The following SPATA6L variants were observed in gnomAD, a reference collection of about 807,000 sequenced individuals.
The protein encoded by SPATA6L is spermatogenesis associated 6 like, also known as spermatogenesis associated 6-like protein.
Under a neutral mutation model 49.2 loss-of-function variants are expected in SPATA6L, and 68 were observed. The observed-to-expected ratio is 1.38, with a 90% CI of 1.14 to 1.69. The LOEUF is 1.69. Among genes scored for constraint, SPATA6L ranks in the 40% most tolerant of loss-of-function variants. SPATA6L has a pLI of 0.00. For missense variants in SPATA6L, 668 were observed against 464.3 expected, an observed-to-expected ratio of 1.44 and a Z score of -4.03; for synonymous variants, 198 against 165.7, an observed-to-expected ratio of 1.19 and a Z score of -1.50.
At chr9:4,664,956 T>TTG (rs796180512) in intron 1 of SPATA6L, 103 of 167,266 alleles carry the variant, frequency 6.2e-4, no homozygotes, top group African/African-American at 2.4e-3. Context: ...AGCGAGATCC[T>TTG]TTAACTGCAG....
intron 10 of SPATA6L, 58 bp from the exon 11 acceptor site, chr9:4,604,327 T>C (rs1285963923): frequency 2.6e-6 from 3 of 1,142,196 alleles, no homozygotes; most frequent in African/African-American, 3.1e-5. Flanking sequence ...AGATGGATGA[T>C]ACCCAGATGT....
At chr9:4,647,983 T>C (rs1835814293) in intron 3 of SPATA6L, among the ~76,000 whole-genome samples, 1 of 152,002 alleles carries the variant, frequency 6.6e-6, no homozygotes, top group South Asian at 2.1e-4. Flanking sequence ...TACAGGCACG[T>C]ACCACAGCGC....
At chr9:4,592,208 G>C (rs564932010) in intron 13 of SPATA6L, among the ~76,000 whole-genome samples, 1 of 151,770 alleles carries the variant, frequency 6.6e-6, no homozygotes, top group African/African-American at 2.4e-5. Flanking sequence ...CCAGCTACTC[G>C]GGAGGCTGAG....
At chr9:4,608,946 T>A (rs969309320) in intron 9 of SPATA6L, among the ~76,000 whole-genome samples, 4 of 151,932 alleles carry the variant, frequency 2.6e-5, no homozygotes, top group South Asian at 2.1e-4. Flanking sequence ...AGACGCAATA[T>A]AAAATGATAA....
intron 2 of SPATA6L, among the ~76,000 whole-genome samples, chr9:4,661,204 A>G (rs1325534042): frequency 6.6e-6 from 1 of 152,196 alleles, no homozygotes; most frequent in Non-Finnish European, 1.5e-5. Context: ...TCCCTCAATG[A>G]CATTGTTTGG....
chr9:4,590,687 C>T (rs188834622), intron 13 of SPATA6L, among the ~76,000 whole-genome samples: 14 of 152,272 alleles, frequency 9.2e-5, no homozygotes, highest in African/African-American at 2.9e-4. Context: ...GCTCTGGCCC[C>T]GCGGGGACAA....
intron 3 of SPATA6L, among the ~76,000 whole-genome samples, chr9:4,644,856 T>A (rs301462): frequency 0.63 from 95,490 of 151,902 alleles, 31,950 homozygotes; most frequent in African/African-American, 0.88. Flanking sequence ...ACACACTGCA[T>A]AGCAAAAGTA....
chr9:4,605,439 A>C lies in SPATA6L; in HGVS notation c.997T>G (p.Phe333Val), dbSNP rs962231298. The C allele has an allele frequency of 1.2e-6, 2 of 1,612,624 alleles. No homozygotes were observed. Among genetic ancestry groups the C allele is most frequent in the African/African-American group, 2.7e-5 (2 of 74,986 alleles). Residue 333 changes from phenylalanine to valine, a missense_variant and splice_region_variant, in exon 10 of 12, where the codon TTC (phenylalanine) becomes GTC (valine). Transcript: ENST00000682582. ...CATGTGGACTGAGAACCAGGATGGA[A>C]CCTGCTCAACAGATGGAACAGGGTG... ...PLDQPLLRERFHPGSQSTWKN... is the reference protein window; with the variant it reads ...PLDQPLLRERVHPGSQSTWKN...
chr9:4,622,523 G>T lies in SPATA6L; in HGVS notation c.670-13C>A, dbSNP rs144310912. ...TTGCACTGTCCACCTGAAAGTAAAG[G>T]AAAGAAATAAGACTAGAATCCACTA... On this transcript the variant is annotated splice_polypyrimidine_tract_variant and intron_variant, in intron 6 of 11. Transcript: ENST00000682582. 1.7e-5 allele frequency: 27 copies of T among 1,576,480 alleles called. No homozygotes were observed. In the South Asian group the frequency reaches 2.8e-4, roughly 16 times the overall value.
downstream of SPATA6L, among the ~76,000 whole-genome samples, chr9:4,597,011 G>A (rs1822314958): frequency 6.6e-6 from 1 of 152,136 alleles, no homozygotes; most frequent in Admixed American, 6.5e-5. Flanking sequence ...CTGATTTAAT[G>A]TACTTTAAAT....
At chr9:4,629,196 A>G (rs1340090824) in intron 4 of SPATA6L, 28 bp from the exon 5 acceptor site, 3 of 1,500,458 alleles carry the variant, frequency 2.0e-6, no homozygotes, top group Non-Finnish European at 2.7e-6. Flanking sequence ...AAAAGCAAAT[A>G]AAATTACTAG....
At chr9:4,589,012 G>A (rs910746694) in intron 13 of SPATA6L, 24 of 152,190 alleles carry the variant, frequency 1.6e-4, no homozygotes, top group African/African-American at 5.3e-4. Context: ...GCTGCTAGAA[G>A]CTTCTATGCA....
rs1466500684 is a variant in SPATA6L at position 4,600,086 on chromosome 9, A to C, written c.*725T>G. On this transcript the variant is annotated 3_prime_UTR_variant, in exon 12 of 12. Coordinates refer to ENST00000682582, the MANE Select transcript of SPATA6L (RefSeq NM_001353486.2). ...CCTATCTGTAGAACCTATTTACTTA[A>C]TGTGTAGTTCTTTTGGAGAAATATT... 6.6e-6 allele frequency among the ~76,000 whole-genome samples: 1 copy of C among 152,168 alleles called. No homozygotes were observed. Among genetic ancestry groups the C allele is most frequent in the Non-Finnish European group, 1.5e-5 (1 of 68,036 alleles).
At chr9:4,649,933 A>T (rs916816662) in intron 3 of SPATA6L, among the ~76,000 whole-genome samples, 1 of 152,250 alleles carries the variant, frequency 6.6e-6, no homozygotes, top group Non-Finnish European at 1.5e-5. Context: ...GTTCTTACAG[A>T]TGTGACCCAT....
intron 3 of SPATA6L, among the ~76,000 whole-genome samples, chr9:4,635,972 C>T (rs1373932673): frequency 1.3e-5 from 2 of 152,196 alleles, no homozygotes; most frequent in African/African-American, 2.4e-5. Context: ...CACACTATCT[C>T]CCCCATCCCC....
chr9:4,602,448 T>C (rs1351451491), intron 11 of SPATA6L, among the ~76,000 whole-genome samples: 1 of 152,128 alleles, frequency 6.6e-6, no homozygotes. Flanking sequence ...GTGCTAAAGG[T>C]GGGGAGCCCT....
In SPATA6L at chr9:4,662,970, A is replaced by G. The variant is rs1409962932; in HGVS notation, c.40-934T>C. On this transcript the variant is annotated intron_variant, in intron 1 of 11. Transcript: ENST00000682582. This position sits in a 1 kb window ranked among gnomAD's most constrained non-coding sequence, Gnocchi z 4.9. The stretch of plus-strand genomic sequence containing the variant: ...CCGCCCGGCCCACAACCAGATGGAC[A>G]TGTTTGTCACTCTCTCGGTGGACAA... The G allele has an allele frequency of 1.2e-6, 2 of 1,611,774 alleles. No individual in the cohort carries two copies. Among genetic ancestry groups the G allele is most frequent in the Non-Finnish European group, 1.7e-6 (2 of 1,179,772 alleles).
rs949537486 is a variant in SPATA6L at position 4,599,932 on chromosome 9, T to C, written c.*879A>G. ...TTCAGGCCCCTCTTCTCTGGGTCTG[T>C]ATCAATGAAGACAAATGTGCCTCTA... is the stretch of plus-strand genomic sequence containing the variant. On this transcript the variant is annotated 3_prime_UTR_variant, in exon 12 of 12. Coordinates refer to ENST00000682582, the MANE Select transcript of SPATA6L (RefSeq NM_001353486.2). Among the ~76,000 whole-genome samples the C allele has an allele frequency of 2.0e-5, 3 of 152,186 alleles. No individual in the cohort carries two copies. Among genetic ancestry groups the C allele is most frequent in the Non-Finnish European group, 2.9e-5 (2 of 68,026 alleles).
At chr9:4,651,733 G>A (rs528762221) in intron 3 of SPATA6L, among the ~76,000 whole-genome samples, 79 of 152,238 alleles carry the variant, frequency 5.2e-4, no homozygotes, top group African/African-American at 1.4e-3. Context: ...TAGAAAAGGC[G>A]TGTGATAAAA....
Sources: gnomAD v4.1 joint callset for allele counts (sites outside exome capture counted in the v4.1 genomes callset) on GRCh38, gnomAD v4.1.1 for gene constraint, Gnocchi (gnomAD v3.1) non-coding constraint, MANE v1.5 for transcripts, NCBI Gene and HGNC (gene_info 2026-07-23, HGNC 2026-07-21) for gene names.